The following GPC6 variants were observed in gnomAD, a reference collection of about 807,000 sequenced individuals.
GPC6 encodes glypican-6.
Under a neutral mutation model 55.2 loss-of-function variants are expected in GPC6, and 14 were observed. The ratio of observed to expected loss-of-function variants is 0.25; its 90% CI spans 0.17 to 0.40. The LOEUF (loss-of-function observed/expected upper bound fraction) is 0.40. GPC6 is among the 10% of genes least tolerant of loss of function. The pLI is 1.00. For missense variants in GPC6, 641 were observed against 708.5 expected, an observed-to-expected ratio of 0.90 and a Z score of 1.08; for synonymous variants, 278 against 259.6, an observed-to-expected ratio of 1.07 and a Z score of -0.68.
intron 4 of GPC6, among the ~76,000 whole-genome samples, chr13:94,086,477 T>TA (rs11323195): frequency 4.0e-5 from 6 of 149,786 alleles, no homozygotes; most frequent in African/African-American, 1.5e-4. Context: ...TGTACATGAC[T>TA]AAAAAAAAAA....
chr13:93,308,024 T>C (rs543313519), intron 1 of GPC6, among the ~76,000 whole-genome samples: 49 of 152,092 alleles, frequency 3.2e-4, no homozygotes, highest in South Asian at 1.9e-3. Flanking sequence ...GTGGCTCACG[T>C]CTGTAATCCC....
intron 4 of GPC6, among the ~76,000 whole-genome samples, chr13:94,065,384 G>A (rs1884482037): frequency 6.6e-6 from 1 of 152,146 alleles, no homozygotes; most frequent in South Asian, 2.1e-4. Context: ...AAATCCATAG[G>A]CATGGTTAAC....
At chr13:93,698,754 A>G (rs1049892163) in intron 2 of GPC6, among the ~76,000 whole-genome samples, 2 of 151,856 alleles carry the variant, frequency 1.3e-5, no homozygotes, top group African/African-American at 4.8e-5. Context: ...TTTAAAAACC[A>G]ATGTATTTGG....
chr13:94,043,926 C>A lies in GPC6; in HGVS notation c.877+16032C>A, dbSNP rs114124069. Among the ~76,000 whole-genome samples, 604 of 151,904 alleles carry A rather than the reference C, an allele frequency of 4.0e-3. 6 individuals carry two copies. Among genetic ancestry groups the A allele is most frequent in the African/African-American group, 0.014 (584 of 41,486 alleles). On this transcript the variant is annotated intron_variant, in intron 4 of 8. Coordinates refer to ENST00000377047, the MANE Select transcript of GPC6 (RefSeq NM_005708.5). ...TCATCTTCTTGAATGTTGTTATATT[C>A]ATTGGTAATAGAATTAGGTTTCCTT...
chr13:93,386,919 G>A (rs1875429085), intron 1 of GPC6, among the ~76,000 whole-genome samples: 1 of 152,106 alleles, frequency 6.6e-6, no homozygotes, highest in Admixed American at 6.5e-5. Context: ...CTCCTTCCGT[G>A]TGTCTTCTTC....
intron 1 of GPC6, among the ~76,000 whole-genome samples, chr13:93,445,603 A>C (rs886757624): frequency 1.3e-5 from 2 of 152,156 alleles, no homozygotes; most frequent in Non-Finnish European, 2.9e-5. Flanking sequence ...TATTGCTTTC[A>C]CCATGTTCCT....
chr13:93,449,239 C>T (rs1878122715), intron 1 of GPC6, among the ~76,000 whole-genome samples: 1 of 152,094 alleles, frequency 6.6e-6, no homozygotes, highest in Admixed American at 6.5e-5. Flanking sequence ...TAAGGAAAGA[C>T]TAGGAAAAGG....
chr13:94,314,752 A>AGAT (rs1185270706), intron 6 of GPC6, among the ~76,000 whole-genome samples: 1 of 152,252 alleles, frequency 6.6e-6, no homozygotes, highest in East Asian at 1.9e-4. Context: ...TGCTTATGAG[A>AGAT]GATAGAGCTG....
intron 3 of GPC6, among the ~76,000 whole-genome samples, chr13:93,848,686 G>A (rs2139008684): frequency 6.6e-6 from 1 of 152,214 alleles, no homozygotes; most frequent in South Asian, 2.1e-4. Context: ...CAAGTCTGAA[G>A]TCCGCAGCCT....
intron 4 of GPC6, among the ~76,000 whole-genome samples, chr13:94,106,380 G>T (rs1017510591): frequency 6.6e-6 from 1 of 152,186 alleles, no homozygotes; most frequent in African/African-American, 2.4e-5. Flanking sequence ...AAAGGATAAC[G>T]TTGGTGAAAG....
intron 2 of GPC6, among the ~76,000 whole-genome samples, chr13:93,549,743 A>G (rs1875040350): frequency 1.3e-5 from 2 of 152,046 alleles, no homozygotes; most frequent in African/African-American, 4.8e-5. Context: ...TGTCAAGGAA[A>G]AGTGGAAGAT....
chr13:93,272,790 C>T (rs529577258), intron 1 of GPC6, among the ~76,000 whole-genome samples: 10 of 152,256 alleles, frequency 6.6e-5, no homozygotes, highest in African/African-American at 2.4e-4. Flanking sequence ...TTCAGACCCT[C>T]TATGCCTGTG....
intron 3 of GPC6, among the ~76,000 whole-genome samples, chr13:93,945,504 T>C (rs1028984364): frequency 2.6e-5 from 4 of 152,182 alleles, no homozygotes; most frequent in Admixed American, 6.5e-5. Context: ...GCAGGCTAAC[T>C]AGAAGCAGGA....
At chr13:93,566,712 C>T (rs1026902584) in intron 2 of GPC6, among the ~76,000 whole-genome samples, 1 of 151,366 alleles carries the variant, frequency 6.6e-6, no homozygotes, top group Admixed American at 6.6e-5. Flanking sequence ...CTATCCCTCC[C>T]CTTGCCCCCT....
At chr13:93,457,829 A>G (rs941136989) in intron 1 of GPC6, among the ~76,000 whole-genome samples, 9 of 142,366 alleles carry the variant, frequency 6.3e-5, no homozygotes, top group African/African-American at 1.7e-4. Context: ...CTGTCGATCA[A>G]TATTAAAAAA....
At chr13:93,482,254 A>G (rs1879549041) in intron 1 of GPC6, among the ~76,000 whole-genome samples, 1 of 152,090 alleles carries the variant, frequency 6.6e-6, no homozygotes, top group Admixed American at 6.6e-5. Flanking sequence ...AAACTCATTT[A>G]TTAATTATAT....
chr13:93,305,560 C>T (rs1566289848), intron 1 of GPC6, among the ~76,000 whole-genome samples: 2 of 152,120 alleles, frequency 1.3e-5, no homozygotes, highest in East Asian at 3.9e-4. Flanking sequence ...ATGAAAGAGC[C>T]ACGGAGATAC....
At chr13:93,766,382 A>T (rs2138885460) in intron 2 of GPC6, among the ~76,000 whole-genome samples, 1 of 152,302 alleles carries the variant, frequency 6.6e-6, no homozygotes, top group Non-Finnish European at 1.5e-5. Context: ...GCATTAAATT[A>T]AAAGATGAAT....
intron 1 of GPC6, among the ~76,000 whole-genome samples, chr13:93,448,959 G>T (rs1460493230): frequency 1.3e-5 from 2 of 152,062 alleles, no homozygotes; most frequent in Non-Finnish European, 2.9e-5. Flanking sequence ...TTTATTGATT[G>T]TCTACTACAT....
Sources: allele counts gnomAD v4.1 joint callset (sites outside exome capture counted in the v4.1 genomes callset), GRCh38; gene constraint gnomAD v4.1.1; transcripts MANE v1.5; gene names NCBI Gene and HGNC (gene_info 2026-07-23, HGNC 2026-07-21).